The following PIGX variants were observed in gnomAD, a reference collection of about 807,000 sequenced individuals.
The protein encoded by PIGX is GPI alpha-1,4-mannosyltransferase I, stabilizing subunit.
A neutral mutation model predicts 28.7 loss-of-function variants in PIGX; 24 were observed. That is an observed-to-expected ratio of 0.84 (90% confidence interval 0.60 to 1.17). PIGX has a LOEUF of 1.17. Among genes scored for constraint, PIGX ranks in the 50% most tolerant of loss-of-function variants. PIGX has a pLI of 0.00. For synonymous variants in PIGX, 127 were observed against 121.0 expected (o/e 1.05, Z -0.33); for missense variants, 305 against 317.8 (o/e 0.96, Z 0.31).
intron 1 of PIGX, among the ~76,000 whole-genome samples, chr3:196,713,454 C>T (rs1711929592): frequency 2.0e-5 from 3 of 151,692 alleles, no homozygotes; most frequent in South Asian, 4.2e-4. Context: ...TACAGGTGCC[C>T]GCCACCATGC....
intron 4 of PIGX, among the ~76,000 whole-genome samples, chr3:196,729,059 C>A (rs914156031): frequency 6.6e-6 from 1 of 152,046 alleles, no homozygotes; most frequent in Admixed American, 6.5e-5. Context: ...TGCTGCCGGG[C>A]GAGGTGGCTC....
chr3:196,730,002 G>A (rs912095610), intron 4 of PIGX, among the ~76,000 whole-genome samples: 70 of 151,524 alleles, frequency 4.6e-4, no homozygotes, highest in African/African-American at 1.6e-3. Context: ...CCTGGGAGGC[G>A]GAGGTTTCAG....
At chr3:196,714,699 A>T (rs1712015928) in intron 1 of PIGX, among the ~76,000 whole-genome samples, 1 of 152,094 alleles carries the variant, frequency 6.6e-6, no homozygotes, top group Non-Finnish European at 1.5e-5. Flanking sequence ...TGACCTTGTG[A>T]TCTGCCTGCC....
At chr3:196,730,224 T>G (rs1712694454) in intron 4 of PIGX, among the ~76,000 whole-genome samples, 1 of 152,152 alleles carries the variant, frequency 6.6e-6, no homozygotes, top group African/African-American at 2.4e-5. Context: ...TCTGTTTCTA[T>G]TAAAGGTACC....
Position 196,730,563 on chromosome 3 carries a change from G to A in PIGX, c.533-429G>A, listed in dbSNP as rs1005516868. 2.6e-5 allele frequency among the ~76,000 whole-genome samples: 4 copies of A among 151,860 alleles called. No individual in the cohort carries two copies. The South Asian group carries it at 8.3e-4, about 32-fold the overall frequency. ...AGGAGTTCAAGACCATCCTGGCCAA[G>A]ATGGTGAAACCCGATCTCTACTAAA... On this transcript the variant is annotated intron_variant, in intron 4 of 5. Transcript: ENST00000392391.
chr3:196,728,415 C>T (rs1052532496), intron 4 of PIGX: 4 of 588,880 alleles, frequency 6.8e-6, no homozygotes, highest in Admixed American at 3.2e-5. Flanking sequence ...CCCTCTAAGA[C>T]GAACCCACCA....
At chr3:196,731,263 C>T (rs138838993) in intron 5 of PIGX, among the ~76,000 whole-genome samples, 171 bp downstream of exon 5, 2,312 of 152,004 alleles carry the variant, frequency 0.015, 91 homozygotes, top group Admixed American at 0.09. Flanking sequence ...CTGCAGCCTC[C>T]GCCTACCAGG....
At chr3:196,726,709 A>G (rs1712537569) in intron 3 of PIGX, 2 of 456,432 alleles carry the variant, frequency 4.4e-6, no homozygotes, top group South Asian at 3.1e-5. Context: ...AAGGATCCCT[A>G]GTGGAATAAG....
chr3:196,722,643 C>A (rs538942057), intron 3 of PIGX, 87 bp downstream of exon 3: 479 of 1,174,050 alleles, frequency 4.1e-4, no homozygotes, highest in Middle Eastern at 5.8e-4. Flanking sequence ...GTTTTCTTTT[C>A]ATTTTGTTAA....
At chr3:196,713,836 C>CAAA (rs200901752) in intron 1 of PIGX, among the ~76,000 whole-genome samples, 1 of 105,728 alleles carries the variant, frequency 9.5e-6, no homozygotes. Context: ...GACTCTGTCT[C>CAAA]AAAAAAAAAA....
intron 2 of PIGX, among the ~76,000 whole-genome samples, chr3:196,717,433 A>G (rs1241859291): frequency 6.6e-6 from 1 of 152,206 alleles, no homozygotes; most frequent in East Asian, 1.9e-4. Flanking sequence ...TACCACGTAC[A>G]GTTGTCCCTT....
intron 1 of PIGX, chr3:196,713,072 C>G: frequency 1.0e-6 from 1 of 985,886 alleles, no homozygotes; most frequent in Non-Finnish European, 1.2e-6. Context: ...TAGTAGTTGG[C>G]AAACTGCTTG....
At chr3:196,732,221 TATATATATATATA>T (rs1712799051) in intron 5 of PIGX, among the ~76,000 whole-genome samples, 18 of 23,060 alleles carry the variant, frequency 7.8e-4, no homozygotes, top group Non-Finnish European at 1.1e-3. Context: ...ATTATTTATA[TATATATATATATA>T]TATATATATA....
intron 1 of PIGX, among the ~76,000 whole-genome samples, chr3:196,715,537 C>G (rs1451621601): frequency 1.3e-5 from 2 of 152,128 alleles, no homozygotes; most frequent in Non-Finnish European, 2.9e-5. Context: ...TTATTTTTTT[C>G]TATTCTTTTT....
chr3:196,720,647 G>C (rs985684881), intron 2 of PIGX, among the ~76,000 whole-genome samples: 15 of 152,118 alleles, frequency 9.9e-5, no homozygotes, highest in African/African-American at 3.6e-4. Context: ...ATTCCCACCA[G>C]TGATGCTCAA....
chr3:196,712,886 C>T, intron 1 of PIGX: 5 of 1,068,312 alleles, frequency 4.7e-6, no homozygotes, highest in Non-Finnish European at 5.7e-6. Context: ...GACTGGCCGC[C>T]CTGTTACTAA....
intron 2 of PIGX, chr3:196,721,221 G>A: frequency 2.7e-6 from 1 of 364,490 alleles, no homozygotes; most frequent in Non-Finnish European, 5.3e-6. Context: ...ATTGTTTAAA[G>A]GCCATGGAGG....
intron 2 of PIGX, among the ~76,000 whole-genome samples, chr3:196,718,259 G>A (rs991507283): frequency 6.6e-6 from 1 of 151,782 alleles, no homozygotes; most frequent in African/African-American, 2.4e-5. Context: ...GCAGTGAGCC[G>A]AGATTATGCC....
chr3:196,725,558 C>T (rs1021687388), intron 3 of PIGX, among the ~76,000 whole-genome samples: 1 of 152,086 alleles, frequency 6.6e-6, no homozygotes, highest in Non-Finnish European at 1.5e-5. Context: ...ATTCACGGGA[C>T]AGTGTACCAG....
Sources: allele counts gnomAD v4.1 joint callset (sites outside exome capture counted in the v4.1 genomes callset), GRCh38; gene constraint gnomAD v4.1.1; transcripts MANE v1.5; gene names NCBI Gene and HGNC (gene_info 2026-07-23, HGNC 2026-07-21).